MEI1: variants seen among roughly 807,000 people sequenced by gnomAD.
MEI1 encodes meiosis inhibitor protein 1.
In MEI1, 103 loss-of-function variants were observed where a neutral mutation model predicts 146.2. That is an observed-to-expected ratio of 0.70 (90% CI 0.60 to 0.83). MEI1 has a LOEUF of 0.83. MEI1 is among the 40% of genes least tolerant of loss of function. The pLI is 0.00. For missense variants in MEI1, 1,529 were observed against 1,533.0 expected, an observed-to-expected ratio of 1.00 and a Z score of 0.04; for synonymous variants, 652 against 628.2, an observed-to-expected ratio of 1.04 and a Z score of -0.57.
chr22:41,743,175 T>A lies in MEI1; in HGVS notation c.1427T>A (p.Leu476Ter). ...LNRCAEFSQTLLSRRPLGHAS... is the reference protein window; with the variant it reads ...LNRCAEFSQT ...CGATGTGCGGAGTTTTCCCAGACCT[T>A]GCTGAGCAGGAGGCCCCTGGTCAGT... The change falls in exon 12 of 31, where the codon TTG (leucine) becomes TAG (stop). Residue 476 changes from leucine (L) to a stop codon, truncating the protein, a stop_gained. Coordinates refer to ENST00000401548, the MANE Select transcript of MEI1 (RefSeq NM_152513.4). LOFTEE classifies it high-confidence loss of function. 1 of 1,613,064 alleles carries A rather than the reference T, an allele frequency of 6.2e-7. No individual in the cohort carries two copies. The highest frequency in any genetic ancestry group is 1.1e-5 in the South Asian group (1 of 91,016).
rs770505965 is a variant in MEI1, at chr22:41,699,543, C to T, written c.5C>T (p.Ala2Val). M[A>V]VRQAATAGTP... is the part of the protein sequence containing the mutation. Reference sequence around the variant, plus strand: ...CAGCTGAGGGCAAGCGAGGAGATGGCTGTGAGGCAGGCGGCGACGGCGGGC... The same window carrying T: ...CAGCTGAGGGCAAGCGAGGAGATGGTTGTGAGGCAGGCGGCGACGGCGGGC... The change falls in exon 1 of 31, where the codon GCT (alanine) becomes GTT (valine). Residue 2 changes from alanine (A) to valine (V), a missense_variant. By Grantham distance (64) the Ala-to-Val change is moderately conservative. Transcript: ENST00000401548. 88 of 1,610,344 alleles carry T rather than the reference C, an allele frequency of 5.5e-5. 1 individual carries two copies. In the South Asian group the frequency reaches 8.0e-4, roughly 15 times the overall value.
At chr22:41,701,097 G>A (rs908364194) in intron 1 of MEI1, among the ~76,000 whole-genome samples, 6 of 151,764 alleles carry the variant, frequency 4.0e-5, no homozygotes, top group Non-Finnish European at 5.9e-5. Flanking sequence ...GCGTCACTAC[G>A]CCCAGCTAAT....
At chr22:41,709,023 GT>G (rs1245114429) in intron 3 of MEI1, among the ~76,000 whole-genome samples, 2 of 152,174 alleles carry the variant, frequency 1.3e-5, no homozygotes, top group Non-Finnish European at 2.9e-5. Flanking sequence ...AGGGAAAGAT[GT>G]TTCCCCACAT....
intron 15 of MEI1, among the ~76,000 whole-genome samples, chr22:41,749,229 G>T (rs748965344): frequency 2.6e-5 from 4 of 152,058 alleles, no homozygotes; most frequent in Non-Finnish European, 5.9e-5. Flanking sequence ...GGCAGCCAGG[G>T]CTCAGCCATG....
At chr22:41,776,501 G>A (rs1007486472) in intron 21 of MEI1, among the ~76,000 whole-genome samples, 13 of 152,226 alleles carry the variant, frequency 8.5e-5, no homozygotes, top group African/African-American at 3.1e-4. Flanking sequence ...TGTTTGATGT[G>A]TGCATGCATA....
At chr22:41,779,092 A>C (rs2075620671) in intron 22 of MEI1, among the ~76,000 whole-genome samples, 1 of 152,014 alleles carries the variant, frequency 6.6e-6, no homozygotes, top group Admixed American at 6.6e-5. Flanking sequence ...TGGGTGTTTG[A>C]GGCCGGAGGA....
Position 41,786,011 on chromosome 22 carries a change from C to T in MEI1, c.3345+1228C>T, listed in dbSNP as rs555900821. The stretch of plus-strand genomic sequence containing the variant: ...CTGCAAGCTCCGCCTCCCGGGTTCA[C>T]GCCATTCTCCTGCCTCAGCCTCCCG... On this transcript the variant is annotated intron_variant, in intron 26 of 30. Coordinates refer to ENST00000401548, the MANE Select transcript of MEI1 (RefSeq NM_152513.4). Among the ~76,000 whole-genome samples, 696 of 139,826 alleles carry T rather than the reference C, an allele frequency of 5.0e-3. 7 individuals carry two copies. The highest frequency in any genetic ancestry group is 0.016 in the African/African-American group (611 of 38,040). The allele number at this position is 139,826 out of a possible 152,430, so 91.7% of individuals were successfully genotyped here. A position where few individuals can be genotyped will look rare whatever the true frequency, so the allele number is the denominator to read the frequency against.
intron 2 of MEI1, among the ~76,000 whole-genome samples, chr22:41,704,368 A>G (rs2068922142): frequency 6.6e-6 from 1 of 151,336 alleles, no homozygotes; most frequent in Non-Finnish European, 1.5e-5. Flanking sequence ...TAGACACCAG[A>G]GCACATGGGG....
chr22:41,726,865 C>T (rs140783715), intron 7 of MEI1, among the ~76,000 whole-genome samples: 1,567 of 152,064 alleles, frequency 0.01, 28 homozygotes, highest in African/African-American at 0.036. Context: ...GCTCCACCTC[C>T]CGGATTCATG....
intron 9 of MEI1, 39 bp downstream of exon 9, chr22:41,730,676 G>A (rs771653488): frequency 9.7e-6 from 14 of 1,440,974 alleles, no homozygotes; most frequent in Non-Finnish European, 1.3e-5. Context: ...TGGGTTGGGT[G>A]GACGGCAGTT....
intron 6 of MEI1, among the ~76,000 whole-genome samples, chr22:41,723,295 C>T (rs963732143): frequency 2.6e-5 from 4 of 152,062 alleles, no homozygotes; most frequent in African/African-American, 9.7e-5. Context: ...TCACTGCAAC[C>T]TGTGTCTGCT....
chr22:41,758,128 G>A (rs5758458), intron 17 of MEI1, among the ~76,000 whole-genome samples: 126,719 of 151,974 alleles, frequency 0.83, 53,781 homozygotes, highest in African/African-American at 0.95. Context: ...AAACAAAAAA[G>A]GAATGAACGT....
At chr22:41,798,225 G>GCACACA (rs138708111) in intron 30 of MEI1, among the ~76,000 whole-genome samples, 123 of 147,256 alleles carry the variant, frequency 8.4e-4, no homozygotes, top group Middle Eastern at 3.5e-3. Flanking sequence ...ATGGCCAGGT[G>GCACACA]CACACACACA....
intron 20 of MEI1, 136 bp downstream of exon 20, chr22:41,771,097 G>A: frequency 4.1e-6 from 4 of 972,898 alleles, no homozygotes; most frequent in South Asian, 1.6e-5. Flanking sequence ...CATGTGAGTT[G>A]GAGGGGTGGT....
At chr22:41,762,914 G>A (rs982500178) in intron 18 of MEI1, among the ~76,000 whole-genome samples, 9 of 152,126 alleles carry the variant, frequency 5.9e-5, no homozygotes, top group African/African-American at 1.9e-4. Context: ...GGTCCAGCTG[G>A]CAGATAGCTC....
intron 25 of MEI1, 72 bp downstream of exon 25, chr22:41,784,492 C>A: frequency 6.3e-7 from 1 of 1,595,900 alleles, no homozygotes; most frequent in Non-Finnish European, 8.6e-7. Context: ...AGCACCCTGA[C>A]CAGCCAATGG....
chr22:41,762,840 G>A (rs566352426), intron 18 of MEI1, among the ~76,000 whole-genome samples: 1 of 152,236 alleles, frequency 6.6e-6, no homozygotes, highest in African/African-American at 2.4e-5. Context: ...AGAGAGGGGT[G>A]GAGCAGCTGC....
chr22:41,723,706 T>C (rs2071071729), intron 6 of MEI1, among the ~76,000 whole-genome samples: 1 of 152,202 alleles, frequency 6.6e-6, no homozygotes, highest in Non-Finnish European at 1.5e-5. Flanking sequence ...GGGCTATGTT[T>C]ATCTTGCTTA....
At chr22:41,756,079 T>A (rs1313476293) in intron 17 of MEI1, among the ~76,000 whole-genome samples, 1 of 152,172 alleles carries the variant, frequency 6.6e-6, no homozygotes, top group African/African-American at 2.4e-5. Flanking sequence ...GTGATGAAGT[T>A]TTCTCTGGTC....
Sources: gnomAD v4.1 joint callset for allele counts (sites outside exome capture counted in the v4.1 genomes callset) on GRCh38, gnomAD v4.1.1 for gene constraint, MANE v1.5 for transcripts, NCBI Gene and HGNC (gene_info 2026-07-23, HGNC 2026-07-21) for gene names.